Variants in MAP3K9 observed in about 807,000 individuals in gnomAD.
MAP3K9 encodes the protein mitogen-activated protein kinase kinase kinase 9.
MAP3K9 carries 46 observed loss-of-function variants against 95.8 expected under a neutral mutation model. That is an observed-to-expected ratio of 0.48 (90% CI 0.38 to 0.61). The LOEUF (loss-of-function observed/expected upper bound fraction) is 0.61, where lower values mean the gene tolerates loss of function less well. Ranked by LOEUF, MAP3K9 falls within the 20% of genes least tolerant of loss-of-function variation. The pLI is 0.00. For synonymous variants in MAP3K9, 533 were observed against 593.8 expected (o/e 0.90, Z 1.49); for missense variants, 1,296 against 1,474.3 (o/e 0.88, Z 1.98).
chr14:70,738,256 C>A lies in MAP3K9; in HGVS notation c.1833G>T (p.Ser611=). The change falls in exon 8 of 12, where the codon TCG becomes TCT. Residue 611 remains serine, a synonymous_variant. Coordinates refer to ENST00000554752, the MANE Select transcript of MAP3K9 (RefSeq NM_001284230.2). Reference sequence around the variant, plus strand: ...CATCTGGCACTTACCCTTCATCTCCCGAGGCAAGCTCCTTCTGACCAAGCG... The same window carrying A: ...CATCTGGCACTTACCCTTCATCTCCAGAGGCAAGCTCCTTCTGACCAAGCG... ...PGTLGQKELA[S]GDEGSPQRRE... is the part of the protein sequence containing the mutation. The A allele has an allele frequency of 6.2e-7, 1 of 1,608,994 alleles. No homozygotes were observed. The highest frequency in any genetic ancestry group is 2.2e-5 in the East Asian group (1 of 44,500).
At chr14:70,769,240 T>C (rs751333836) in intron 2 of MAP3K9, among the ~76,000 whole-genome samples, 1 of 152,184 alleles carries the variant, frequency 6.6e-6, no homozygotes, top group African/African-American at 2.4e-5. Context: ...TAAAAATGTA[T>C]ATATGGTTTA....
intron 1 of MAP3K9, among the ~76,000 whole-genome samples, chr14:70,804,897 A>G (rs2054973605): frequency 6.6e-6 from 1 of 152,188 alleles, no homozygotes. Flanking sequence ...GATAAAAGAC[A>G]GAACCCAGAA....
chr14:70,752,376 G>GA (rs2054241093), intron 3 of MAP3K9, among the ~76,000 whole-genome samples: 1 of 152,208 alleles, frequency 6.6e-6, no homozygotes, highest in Non-Finnish European at 1.5e-5. Context: ...ATAGATATGT[G>GA]AGTGAGTGGG....
At chr14:70,786,010 G>A (rs979675335) in intron 2 of MAP3K9, among the ~76,000 whole-genome samples, 8 of 152,288 alleles carry the variant, frequency 5.3e-5, no homozygotes, top group Admixed American at 2.6e-4. Context: ...TGAAGGAAAT[G>A]AGGGCCATGT....
At chr14:70,782,630 G>C (rs995534932) in intron 2 of MAP3K9, among the ~76,000 whole-genome samples, 11 of 152,326 alleles carry the variant, frequency 7.2e-5, no homozygotes, top group African/African-American at 1.7e-4. Context: ...CTCCATGTAA[G>C]AGCAGGGAGG....
intron 5 of MAP3K9, among the ~76,000 whole-genome samples, 166 bp downstream of exon 5, chr14:70,748,663 T>A (rs2332457): frequency 6.6e-6 from 1 of 151,974 alleles, no homozygotes; most frequent in African/African-American, 2.4e-5. Context: ...TGCATTCTTC[T>A]CTGGTTTGGA....
rs191346766 is a variant in MAP3K9 at position 70,761,311 on chromosome 14, T to C, written c.821-129A>G. The C allele has an allele frequency of 4.2e-6, 3 of 713,670 alleles. No individual in the cohort carries two copies. The African/African-American group carries it at 5.3e-5, about 13-fold the overall frequency. The allele number at this position is 713,670 out of a possible 1,614,324, so 44.2% of individuals were successfully genotyped here. A position where few individuals can be genotyped will look rare whatever the true frequency, so the allele number is the denominator to read the frequency against. ...CCAGCATTTAGCTGCCATGGATTGA[T>C]GGTCAGAGCCATCATTTCTTAAACA... On this transcript the variant is annotated intron_variant, in intron 2 of 11. Transcript: ENST00000554752.
At chr14:70,764,310 T>C (rs534591343) in intron 2 of MAP3K9, among the ~76,000 whole-genome samples, 2 of 149,638 alleles carry the variant, frequency 1.3e-5, no homozygotes, top group South Asian at 2.2e-4. Flanking sequence ...TTTTGCCCCT[T>C]CCAGAGGAAC....
intron 2 of MAP3K9, among the ~76,000 whole-genome samples, chr14:70,769,159 CCAT>C (rs888806689): frequency 6.6e-6 from 1 of 152,004 alleles, no homozygotes; most frequent in Non-Finnish European, 1.5e-5. Context: ...TATAGCACCA[CCAT>C]GTTTGTGCCT....
intron 7 of MAP3K9, among the ~76,000 whole-genome samples, chr14:70,739,539 T>C (rs1483494072): frequency 6.6e-6 from 1 of 151,946 alleles, no homozygotes; most frequent in Non-Finnish European, 1.5e-5. Flanking sequence ...TACATGTATG[T>C]GTGAGTATTT....
chr14:70,807,443 T>C (rs1208185048), intron 1 of MAP3K9, among the ~76,000 whole-genome samples: 3 of 152,054 alleles, frequency 2.0e-5, no homozygotes, highest in Non-Finnish European at 4.4e-5. Context: ...TGAGCTGAGA[T>C]TGCACCACTG....
chr14:70,750,552 T>A (rs2054211695), intron 3 of MAP3K9, among the ~76,000 whole-genome samples: 1 of 152,166 alleles, frequency 6.6e-6, no homozygotes, highest in African/African-American at 2.4e-5. Context: ...TGGCGTGATC[T>A]CGGCTCACTG....
chr14:70,732,868 A>G lies in MAP3K9; in HGVS notation c.2501T>C (p.Leu834Pro), dbSNP rs1327616313. The G allele has an allele frequency of 2.2e-5, 36 of 1,613,746 alleles. No individual in the cohort carries two copies. The highest frequency in any genetic ancestry group is 2.8e-5 in the Non-Finnish European group (33 of 1,179,840). ...LLGDPSASLT[L>P]LSLSSISECN... ...CTCGGAGATGGAGGAGAGGGAGAGC[A>G]GCGTCAGGGAGGCAGAGGGGTCTCC... Residue 834 changes from leucine to proline, a missense_variant, in exon 11 of 12, where the codon CTG (leucine) becomes CCG (proline). Transcript: ENST00000554752.
intron 2 of MAP3K9, among the ~76,000 whole-genome samples, chr14:70,782,479 TC>T (rs1477505714): frequency 6.6e-6 from 1 of 152,074 alleles, no homozygotes; most frequent in East Asian, 1.9e-4. Flanking sequence ...ACCACCTTCA[TC>T]CCATCACCTT....
intron 1 of MAP3K9, 39 bp downstream of exon 1, chr14:70,808,727 G>A (rs1187847391): frequency 5.6e-6 from 4 of 717,982 alleles, no homozygotes; most frequent in South Asian, 7.0e-5. Flanking sequence ...CCAGGCCTCC[G>A]TCATTCCCCC....
intron 5 of MAP3K9, among the ~76,000 whole-genome samples, chr14:70,742,901 T>TTTTATATATA (rs1555367841): frequency 2.7e-5 from 1 of 36,526 alleles, no homozygotes; most frequent in African/African-American, 1.1e-4. Context: ...TGCCTGTGAT[T>TTTTATATATA]TATATATATT....
chr14:70,754,694 A>C (rs1027623176), intron 3 of MAP3K9, among the ~76,000 whole-genome samples: 1 of 152,084 alleles, frequency 6.6e-6, no homozygotes, highest in Non-Finnish European at 1.5e-5. Flanking sequence ...GATGGTCTCG[A>C]TCTCCTGACC....
rs530950098 is a variant in MAP3K9, at chr14:70,784,616, G to A, written c.820+16051C>T. On this transcript the variant is annotated intron_variant, in intron 2 of 11. Coordinates refer to ENST00000554752, the MANE Select transcript of MAP3K9 (RefSeq NM_001284230.2). ...AAATTAGCCAGGTGTGGTGGCAGGC[G>A]TCAGTAATCCCAGCTACTCAGGAGG... Among the ~76,000 whole-genome samples the A allele has an allele frequency of 3.3e-5, 5 of 152,172 alleles. No homozygotes were observed. The East Asian group carries it at 5.8e-4, about 18-fold the overall frequency.
chr14:70,759,055 A>G (rs2054334745), intron 3 of MAP3K9, among the ~76,000 whole-genome samples: 1 of 152,244 alleles, frequency 6.6e-6, no homozygotes, highest in Non-Finnish European at 1.5e-5. Context: ...ATTCATAAAG[A>G]CAGAAAGGAA....
Sources: allele counts gnomAD v4.1 joint callset (sites outside exome capture counted in the v4.1 genomes callset), GRCh38; gene constraint gnomAD v4.1.1; transcripts MANE v1.5; gene names NCBI Gene and HGNC (gene_info 2026-07-23, HGNC 2026-07-21).